JARID2: variants seen among roughly 807,000 people sequenced by gnomAD.
JARID2 encodes the protein protein Jumonji.
JARID2 carries 21 observed loss-of-function variants against 125.6 expected under a neutral mutation model. The observed-to-expected ratio is 0.17, with a 90% CI of 0.12 to 0.24. The LOEUF (loss-of-function observed/expected upper bound fraction) is 0.24. Ranked by LOEUF, JARID2 falls within the 10% of genes least tolerant of loss-of-function variation. JARID2 has a pLI of 1.00. For missense variants in JARID2, 1,303 were observed against 1,639.6 expected (o/e 0.79, Z 3.55); for synonymous variants, 736 against 661.6 (o/e 1.11, Z -1.73).
chr6:15,275,528 CCCCCG>C (rs1760465040), intron 1 of JARID2, among the ~76,000 whole-genome samples: 1 of 27,418 alleles, frequency 3.6e-5, no homozygotes, highest in Non-Finnish European at 1.1e-4. Context: ...TTTACCGCCC[CCCCCG>C]CCCCCCCCCC....
intron 1 of JARID2, among the ~76,000 whole-genome samples, chr6:15,294,702 G>C (rs1345990819): frequency 6.6e-6 from 1 of 152,152 alleles, no homozygotes; most frequent in Non-Finnish European, 1.5e-5. Context: ...TTGCTCTGTC[G>C]GGAGTCAAGA....
chr6:15,402,587 G>A lies in JARID2; in HGVS notation c.182-7637G>A, dbSNP rs181666029. 5.3e-5 allele frequency among the ~76,000 whole-genome samples: 8 copies of A among 152,148 alleles called. No individual in the cohort carries two copies. The East Asian group carries it at 5.8e-4, about 11-fold the overall frequency. ...CAAAAAAAAATGCCCTTGTGTTTCC[G>A]TCTCCTTCATGTGACTGAGTTCCCT... On this transcript the variant is annotated intron_variant, in intron 2 of 17. Transcript: ENST00000341776.
chr6:15,247,173 C>T (rs1284182738), intron 1 of JARID2, among the ~76,000 whole-genome samples: 4 of 152,072 alleles, frequency 2.6e-5, no homozygotes, highest in African/African-American at 7.2e-5. Context: ...AATAATGAGG[C>T]TGGTTTTGTT....
At chr6:15,304,301 G>A (rs1761734845) in intron 1 of JARID2, among the ~76,000 whole-genome samples, 1 of 35,134 alleles carries the variant, frequency 2.8e-5, no homozygotes, top group Non-Finnish European at 6.0e-5. Flanking sequence ...ATAATTTGCT[G>A]ATCCCCCCCC....
intron 1 of JARID2, among the ~76,000 whole-genome samples, chr6:15,326,966 A>G (rs1471818984): frequency 1.3e-5 from 2 of 152,200 alleles, no homozygotes; most frequent in African/African-American, 4.8e-5. Flanking sequence ...GTTTGTTTTT[A>G]ATCTCTCTGT....
chr6:15,337,499 T>C (rs894746872), intron 1 of JARID2, among the ~76,000 whole-genome samples: 11 of 151,950 alleles, frequency 7.2e-5, no homozygotes, highest in African/African-American at 1.2e-4. Flanking sequence ...AGGTGGGTGG[T>C]AGAAAGCCAT....
Position 15,496,490 on chromosome 6 carries a change from TG to T in JARID2, c.1272del (p.Arg425GlyfsTer36). ...RLNPKSCTKE[V>X]GGRQLREGLQ... ...AACCCAAAGTCATGCACTAAGGAGG[TG>T]GGGGGGCGGCAGCTGCGGGAGGGCC... On this transcript the variant is annotated frameshift_variant, in exon 7 of 18. Coordinates refer to ENST00000341776, the MANE Select transcript of JARID2 (RefSeq NM_004973.4). LOFTEE classifies it high-confidence loss of function. 1 of 1,584,200 alleles carries T rather than the reference TG, an allele frequency of 6.3e-7. No homozygotes were observed. The highest frequency in any genetic ancestry group is 8.6e-7 in the Non-Finnish European group (1 of 1,165,654).
chr6:15,436,197 C>T (rs976312746), intron 3 of JARID2, among the ~76,000 whole-genome samples: 8 of 152,186 alleles, frequency 5.3e-5, no homozygotes, highest in African/African-American at 1.9e-4. Context: ...ATTTCTGTAA[C>T]CCATGATCCT....
At chr6:15,409,233 C>CTT (rs1365725577) in intron 2 of JARID2, among the ~76,000 whole-genome samples, 5 of 152,112 alleles carry the variant, frequency 3.3e-5, no homozygotes, top group African/African-American at 1.2e-4. Context: ...ATGAAGTGTG[C>CTT]ATAAAATTGG....
In JARID2 at chr6:15,437,094, G is replaced by A. The variant is rs141814964; in HGVS notation, c.324-14912G>A. On this transcript the variant is annotated intron_variant, in intron 3 of 17. Coordinates refer to ENST00000341776, the MANE Select transcript of JARID2 (RefSeq NM_004973.4). Reference sequence around the variant, plus strand: ...AGCATAGATTCTACCTGGAAGCACAGGGGTGTGTGGTCATCTTTTCTTCCT... The same window carrying A: ...AGCATAGATTCTACCTGGAAGCACAAGGGTGTGTGGTCATCTTTTCTTCCT... 2.9e-3 allele frequency among the ~76,000 whole-genome samples: 440 copies of A among 152,300 alleles called. 4 individuals carry two copies. The highest frequency in any genetic ancestry group is 0.01 in the African/African-American group (426 of 41,568).
intron 3 of JARID2, among the ~76,000 whole-genome samples, chr6:15,422,379 T>C (rs1766534494): frequency 6.6e-6 from 1 of 152,192 alleles, no homozygotes; most frequent in Non-Finnish European, 1.5e-5. Context: ...GGGAAGTTTG[T>C]ATTTCACGCA....
chr6:15,431,007 G>A (rs1766944134), intron 3 of JARID2, among the ~76,000 whole-genome samples: 1 of 152,142 alleles, frequency 6.6e-6, no homozygotes, highest in African/African-American at 2.4e-5. Context: ...TAGACTATTG[G>A]TACCGTGCAG....
At chr6:15,317,728 T>C (rs1437602087) in intron 1 of JARID2, among the ~76,000 whole-genome samples, 1 of 152,164 alleles carries the variant, frequency 6.6e-6, no homozygotes, top group Non-Finnish European at 1.5e-5. Context: ...TCTCAGAAAA[T>C]GCCATGGCTG....
intron 11 of JARID2, among the ~76,000 whole-genome samples, chr6:15,508,058 G>C (rs1771094516): frequency 6.6e-6 from 1 of 152,254 alleles, no homozygotes; most frequent in South Asian, 2.1e-4. Flanking sequence ...CGGCCCGTGG[G>C]CGGCCGGTTC....
chr6:15,493,290 A>G (rs1770246662), intron 6 of JARID2, among the ~76,000 whole-genome samples: 1 of 152,290 alleles, frequency 6.6e-6, no homozygotes, highest in African/African-American at 2.4e-5. Flanking sequence ...GATCCTCACC[A>G]ATTAGCACAG....
chr6:15,306,050 T>C (rs1185477383), intron 1 of JARID2, among the ~76,000 whole-genome samples: 1 of 152,228 alleles, frequency 6.6e-6, no homozygotes. Flanking sequence ...TCTATCTTTC[T>C]AAACGTCAGA....
At chr6:15,286,202 C>T (rs1181713531) in intron 1 of JARID2, among the ~76,000 whole-genome samples, 1 of 149,962 alleles carries the variant, frequency 6.7e-6, no homozygotes, top group Non-Finnish European at 1.5e-5. Flanking sequence ...TGTGAGACTT[C>T]AATAATAGAA....
At chr6:15,457,996 G>T (rs909609321) in intron 4 of JARID2, among the ~76,000 whole-genome samples, 7 of 152,132 alleles carry the variant, frequency 4.6e-5, no homozygotes, top group African/African-American at 1.7e-4. Context: ...CGAGGTATTT[G>T]CCCGCAGTGT....
intron 3 of JARID2, among the ~76,000 whole-genome samples, chr6:15,429,375 C>T (rs1264585922): frequency 6.6e-6 from 1 of 151,890 alleles, no homozygotes; most frequent in Non-Finnish European, 1.5e-5. Flanking sequence ...AAGCAGTCAT[C>T]TCGCCTCAGC....
Sources: gnomAD v4.1 joint callset for allele counts (sites outside exome capture counted in the v4.1 genomes callset) on GRCh38, gnomAD v4.1.1 for gene constraint, MANE v1.5 for transcripts, NCBI Gene and HGNC (gene_info 2026-07-23, HGNC 2026-07-21) for gene names.